The following CAMKK2 variants were observed in gnomAD, a reference collection of about 807,000 sequenced individuals.
CAMKK2 encodes calcium/calmodulin dependent protein kinase kinase 2.
CAMKK2 carries 30 observed loss-of-function variants against 67.2 expected under a neutral mutation model. That is an observed-to-expected ratio of 0.45 (90% CI 0.33 to 0.61). The LOEUF (loss-of-function observed/expected upper bound fraction) is 0.61, where lower values mean the gene tolerates loss of function less well. Among genes scored for constraint, CAMKK2 ranks in the 20% least tolerant of loss-of-function variants. The pLI, the probability that CAMKK2 is intolerant of heterozygous loss-of-function variation, is 0.02. For missense variants in CAMKK2, 643 were observed against 802.0 expected, an observed-to-expected ratio of 0.80 and a Z score of 2.39; for synonymous variants, 322 against 326.2, an observed-to-expected ratio of 0.99 and a Z score of 0.14.
At chr12:121,243,782 C>A in intron 16 of CAMKK2, 1 of 916,022 alleles carries the variant, frequency 1.1e-6, no homozygotes, top group Non-Finnish European at 1.4e-6. Context: ...GAATCATACA[C>A]TTCCCGTGGG....
At chr12:121,267,237 G>A (rs1404142882) in intron 5 of CAMKK2, among the ~76,000 whole-genome samples, 1 of 147,484 alleles carries the variant, frequency 6.8e-6, no homozygotes, top group Non-Finnish European at 1.5e-5. Flanking sequence ...AGCCTCTCGA[G>A]TAGCCAGGGA....
Position 121,274,052 on chromosome 12 carries a change from G to A in CAMKK2, c.471+4C>T, listed in dbSNP as rs1481866764. ...AGGACCTGGCTCACCACCGGCTCAC[G>A]CACCTGCATACCCGTGATGGAGACG... On this transcript the variant is annotated splice_donor_region_variant and intron_variant, in intron 2 of 16. Coordinates refer to ENST00000404169, the MANE Select transcript of CAMKK2 (RefSeq NM_001270485.2). 6 of 1,482,698 alleles carry A rather than the reference G, an allele frequency of 4.0e-6. No individual in the cohort carries two copies. Among genetic ancestry groups the A allele is most frequent in the Middle Eastern group, 2.2e-4 (1 of 4,564 alleles). The allele number at this position is 1,482,698 out of a possible 1,614,324, so 91.8% of individuals were successfully genotyped here.
chr12:121,263,069 A>T (rs550852451), intron 6 of CAMKK2, among the ~76,000 whole-genome samples: 1 of 152,170 alleles, frequency 6.6e-6, no homozygotes, highest in East Asian at 1.9e-4. Flanking sequence ...CCCCAGTTCA[A>T]GCGATTCTCC....
At chr12:121,286,319 T>G (rs1898728097) in intron 1 of CAMKK2, among the ~76,000 whole-genome samples, 1 of 152,188 alleles carries the variant, frequency 6.6e-6, no homozygotes, top group Non-Finnish European at 1.5e-5. Context: ...TGCTTTTCTC[T>G]TTCTTTTAAT....
chr12:121,258,969 A>T (rs1217327853), intron 7 of CAMKK2, among the ~76,000 whole-genome samples: 1 of 151,382 alleles, frequency 6.6e-6, no homozygotes, highest in African/African-American at 2.4e-5. Context: ...CAGCCTCCCG[A>T]GTAGCCAAGA....
intron 13 of CAMKK2, among the ~76,000 whole-genome samples, chr12:121,249,457 CT>C (rs1411060408): frequency 2.6e-5 from 4 of 152,330 alleles, no homozygotes; most frequent in African/African-American, 4.8e-5. Flanking sequence ...AGGGACGGGC[CT>C]TTGGAAAGGA....
chr12:121,250,004 A>C lies in CAMKK2; in HGVS notation c.1192T>G (p.Leu398Val). 1 of 1,614,006 alleles carries C rather than the reference A, an allele frequency of 6.2e-7. No individual in the cohort carries two copies. Among genetic ancestry groups the C allele is most frequent in the Non-Finnish European group, 8.5e-7 (1 of 1,179,960 alleles). The change falls in exon 12 of 17, where the codon TTA becomes GTA. Residue 398 changes from leucine (L) to valine (V), a missense_variant. Transcript: ENST00000404169. ...GCCTGACTCTTGATCTTACTGTGTA[A>C]ACACATGATCCGCTCGTCCATGAAT... Reference protein sequence around the residue: ...CPFMDERIMCLHSKIKSQALE... With the variant: ...CPFMDERIMCVHSKIKSQALE...
At chr12:121,274,626 G>T in intron 1 of CAMKK2, 41 bp from the exon 2 acceptor site, 1 of 782,506 alleles carries the variant, frequency 1.3e-6, no homozygotes, top group Non-Finnish European at 2.0e-6. Context: ...GCTCCTACGG[G>T]CAGGGACAGG....
intron 14 of CAMKK2, 34 bp downstream of exon 14, chr12:121,248,572 T>C (rs1309906476): frequency 1.2e-6 from 2 of 1,613,396 alleles, no homozygotes; most frequent in Non-Finnish European, 1.7e-6. Context: ...GGCTCCTGGG[T>C]CCCTGCTCTG....
intron 11 of CAMKK2, among the ~76,000 whole-genome samples, chr12:121,252,376 C>T (rs1160681865): frequency 6.6e-6 from 1 of 152,256 alleles, no homozygotes; most frequent in African/African-American, 2.4e-5. Context: ...TCAGGCGATT[C>T]TCCTGCTTCA....
At chr12:121,287,378 A>G (rs1239803141) in intron 1 of CAMKK2, among the ~76,000 whole-genome samples, 1 of 152,078 alleles carries the variant, frequency 6.6e-6, no homozygotes, top group African/African-American at 2.4e-5. Context: ...ACATTCTCAC[A>G]TGGCTTTTGC....
chr12:121,273,737 G>A (rs1350324703), intron 2 of CAMKK2, among the ~76,000 whole-genome samples: 1 of 152,066 alleles, frequency 6.6e-6, no homozygotes, highest in African/African-American at 2.4e-5. Context: ...GCCCCTGGTG[G>A]GATGACTGAG....
In CAMKK2 at chr12:121,240,206, C is replaced by G; in HGVS notation, c.*493G>C. ...CAGCCCTGCTCTGACTCCTTGAGAC[C>G]ACGGCTCTGGAAGGTGCCATGGTTT... is the stretch of plus-strand genomic sequence containing the variant. On this transcript the variant is annotated 3_prime_UTR_variant, in exon 17 of 17. Transcript: ENST00000404169. The surrounding 1 kb of genome is among the most constrained non-coding windows in gnomAD (Gnocchi z 4.4). 1 of 567,576 alleles carries G rather than the reference C, an allele frequency of 1.8e-6. No individual in the cohort carries two copies. The allele number at this position is 567,576 out of a possible 1,614,324, so 35.2% of individuals were successfully genotyped here.
At chr12:121,260,416 G>A (rs760709303) in intron 6 of CAMKK2, 61 bp from the exon 7 acceptor site, 2 of 1,501,060 alleles carry the variant, frequency 1.3e-6, no homozygotes, top group Middle Eastern at 1.7e-4. Flanking sequence ...AGAGAGAATA[G>A]ATATGAGCAG....
intron 1 of CAMKK2, among the ~76,000 whole-genome samples, chr12:121,295,903 T>A (rs1205916438): frequency 6.6e-6 from 1 of 152,138 alleles, no homozygotes; most frequent in Non-Finnish European, 1.5e-5. Flanking sequence ...AGCTCAAGGC[T>A]GGGTCGGGTG....
intron 15 of CAMKK2, 32 bp from the exon 16 acceptor site, chr12:121,244,647 T>G: frequency 6.5e-7 from 1 of 1,537,360 alleles, no homozygotes; most frequent in Non-Finnish European, 8.8e-7. Context: ...AAAAGGGAAG[T>G]GAGAAGGGAC....
upstream of CAMKK2, chr12:121,297,529 TGGCAC>T (rs1250335887): frequency 1.4e-5 from 7 of 493,906 alleles, no homozygotes; most frequent in Admixed American, 2.1e-5. Flanking sequence ...CTCCCCTTTT[TGGCAC>T]TTACTTTGCT....
intron 1 of CAMKK2, among the ~76,000 whole-genome samples, chr12:121,278,336 T>C (rs1897162035): frequency 6.6e-6 from 1 of 152,212 alleles, no homozygotes; most frequent in South Asian, 2.1e-4. Context: ...TCCTGTAAAG[T>C]TGGTGCCCAT....
rs920688006 is a variant in CAMKK2, at chr12:121,296,310, T to C, written c.-60+328A>G. On this transcript the variant is annotated intron_variant, in intron 1 of 16. Coordinates refer to ENST00000404169, the MANE Select transcript of CAMKK2 (RefSeq NM_001270485.2). This position sits in a 1 kb window ranked among gnomAD's most constrained non-coding sequence, Gnocchi z 7.1. ...GGGCCTAGGCCGCCTCCACGAACCC[T>C]GACGGACCCGGCCCCCGGTGACCCC... 2.6e-5 allele frequency among the ~76,000 whole-genome samples: 4 copies of C among 152,130 alleles called. No homozygotes were observed. Among genetic ancestry groups the C allele is most frequent in the African/African-American group, 4.8e-5 (2 of 41,432 alleles).
Sources: allele counts gnomAD v4.1 joint callset (sites outside exome capture counted in the v4.1 genomes callset), GRCh38; gene constraint gnomAD v4.1.1; non-coding constraint Gnocchi (gnomAD v3.1); transcripts MANE v1.5; gene names NCBI Gene and HGNC (gene_info 2026-07-23, HGNC 2026-07-21).